Variants in DOCK2 observed in about 807,000 individuals in gnomAD.
The protein encoded by DOCK2 is dedicator of cytokinesis 2.
DOCK2 carries 87 observed loss-of-function variants against 248.9 expected under a neutral mutation model. That is an observed-to-expected ratio of 0.35 (90% confidence interval 0.29 to 0.42). The LOEUF is 0.42. DOCK2 is among the 10% of genes least tolerant of loss of function. The pLI is 1.00. For synonymous variants in DOCK2, 805 were observed against 821.6 expected (o/e 0.98, Z 0.35); for missense variants, 1,747 against 2,300.2 (o/e 0.76, Z 4.92).
At chr5:169,905,759 G>T (rs1774240232) in intron 27 of DOCK2, among the ~76,000 whole-genome samples, 1 of 152,216 alleles carries the variant, frequency 6.6e-6, no homozygotes, top group South Asian at 2.1e-4. Context: ...ACCCAGGTGT[G>T]CAGGGCTCAC....
At chr5:169,856,825 A>G (rs994257672) in intron 27 of DOCK2, among the ~76,000 whole-genome samples, 1 of 152,208 alleles carries the variant, frequency 6.6e-6, no homozygotes, top group Non-Finnish European at 1.5e-5. Context: ...TAACCAGGGT[A>G]TCATAGCAGT....
intron 3 of DOCK2, among the ~76,000 whole-genome samples, chr5:169,670,296 G>GTGGGATCTAGGGCTATGT (rs1758975951): frequency 6.6e-6 from 1 of 152,146 alleles, no homozygotes; most frequent in Admixed American, 6.5e-5. Flanking sequence ...TAGGGCTATG[G>GTGGGATCTAGGGCTATGT]TGAGATCTAG....
At chr5:169,787,228 G>T (rs1419024916) in intron 25 of DOCK2, among the ~76,000 whole-genome samples, 4 of 152,202 alleles carry the variant, frequency 2.6e-5, no homozygotes, top group Non-Finnish European at 4.4e-5. Flanking sequence ...TTAGAGGAAT[G>T]AGAATGGAGC....
chr5:169,643,169 G>C (rs1165770923), intron 1 of DOCK2, among the ~76,000 whole-genome samples: 1 of 152,142 alleles, frequency 6.6e-6, no homozygotes, highest in Non-Finnish European at 1.5e-5. Context: ...AGCTGCTTAA[G>C]TCTTATTCTG....
At position 169,712,196 on chromosome 5, in the gene DOCK2, T is replaced by C. The variant is rs767643359; in HGVS notation, c.1632T>C (p.Asp544=). Residue 544 remains aspartate, a synonymous_variant, in exon 17 of 52, where the codon GAT becomes GAC. Transcript: ENST00000520908. The part of the protein sequence containing the change: ...LMKEDGTTLH[D]GFHDLVVLKG... ...AAGAAGATGGGACTACTCTACACGA[T>C]GGATTCCATGACTTAGTTGTCCTCA... 26 of 1,614,062 alleles carry C rather than the reference T, an allele frequency of 1.6e-5. No homozygotes were observed. In the East Asian group the frequency reaches 4.7e-4, roughly 29 times the overall value.
intron 8 of DOCK2, among the ~76,000 whole-genome samples, chr5:169,686,071 C>T (rs264849): frequency 0.021 from 3,245 of 152,252 alleles, 117 homozygotes; most frequent in African/African-American, 0.069. Context: ...TGGTGGACCC[C>T]GATAATGAGT....
rs191545561 is a variant in DOCK2 at position 169,645,401 on chromosome 5, G to C, written c.43+8032G>C. 1.5e-3 allele frequency among the ~76,000 whole-genome samples: 226 copies of C among 152,254 alleles called. 1 individual carries two copies. The highest frequency in any genetic ancestry group is 1.0e-3 in the Non-Finnish European group (70 of 67,994). On this transcript the variant is annotated intron_variant, in intron 1 of 51. Transcript: ENST00000520908. ...TGGTGTTGAGCGTTTTTTCATGTTTGTTGGCCACATAAATGTCTTCTTTCT... is the reference window on the plus strand; with the variant it reads ...TGGTGTTGAGCGTTTTTTCATGTTTCTTGGCCACATAAATGTCTTCTTTCT...
intron 2 of DOCK2, among the ~76,000 whole-genome samples, chr5:169,662,812 GA>G (rs1758517638): frequency 2.0e-5 from 3 of 152,176 alleles, no homozygotes; most frequent in African/African-American, 7.2e-5. Flanking sequence ...AATTTGAGAT[GA>G]GATGTGGGTG....
At chr5:169,744,091 C>G (rs937028693) in intron 22 of DOCK2, among the ~76,000 whole-genome samples, 1 of 151,922 alleles carries the variant, frequency 6.6e-6, no homozygotes, top group African/African-American at 2.4e-5. Flanking sequence ...AGATTGGATT[C>G]CCACTGGAGT....
chr5:170,038,766 A>T (rs1314816702), intron 36 of DOCK2, among the ~76,000 whole-genome samples: 3 of 152,226 alleles, frequency 2.0e-5, no homozygotes, highest in Non-Finnish European at 2.9e-5. Context: ...GTAGCAGATC[A>T]TCAGACCCTT....
At chr5:169,804,058 G>A (rs1767157692) in intron 26 of DOCK2, among the ~76,000 whole-genome samples, 1 of 152,160 alleles carries the variant, frequency 6.6e-6, no homozygotes, top group East Asian at 1.9e-4. Context: ...CTAAGCATTT[G>A]TGTGAGCATT....
intron 34 of DOCK2, among the ~76,000 whole-genome samples, chr5:170,030,888 G>A (rs1257202130): frequency 1.3e-5 from 2 of 152,206 alleles, no homozygotes; most frequent in Non-Finnish European, 2.9e-5. Context: ...CTTGGATGGG[G>A]CCTTGGTGAA....
chr5:169,656,517 T>C (rs576415641), intron 2 of DOCK2, among the ~76,000 whole-genome samples: 19 of 152,248 alleles, frequency 1.2e-4, no homozygotes, highest in African/African-American at 4.6e-4. Context: ...TTCGCCATGT[T>C]GGCCAGGCTG....
intron 27 of DOCK2, among the ~76,000 whole-genome samples, chr5:169,978,616 C>T (rs1777824226): frequency 6.6e-6 from 1 of 152,060 alleles, no homozygotes; most frequent in African/African-American, 2.4e-5. Flanking sequence ...CTGGGTTTCT[C>T]TTCTTCTCTC....
chr5:169,807,729 G>C (rs1448915640), intron 26 of DOCK2, among the ~76,000 whole-genome samples: 1 of 150,930 alleles, frequency 6.6e-6, no homozygotes, highest in Non-Finnish European at 1.5e-5. Flanking sequence ...AGCTACTCTG[G>C]AGGCTGAGGC....
chr5:169,990,138 G>A (rs896629708), intron 29 of DOCK2, among the ~76,000 whole-genome samples: 5 of 150,864 alleles, frequency 3.3e-5, no homozygotes, highest in Non-Finnish European at 7.4e-5. Context: ...TCACTCTGTC[G>A]CCCAGGCTGG....
chr5:169,932,336 G>T (rs1038939238), intron 27 of DOCK2, among the ~76,000 whole-genome samples: 2 of 152,146 alleles, frequency 1.3e-5, no homozygotes, highest in African/African-American at 4.8e-5. Context: ...GGTAGGAAGT[G>T]GTTGGAACTA....
At chr5:169,809,526 T>A (rs950994818) in intron 26 of DOCK2, among the ~76,000 whole-genome samples, 4 of 152,234 alleles carry the variant, frequency 2.6e-5, no homozygotes, top group Admixed American at 6.5e-5. Context: ...GACTTCCTTG[T>A]CTGTGTTTTC....
At chr5:169,723,983 A>G (rs752014939) in intron 22 of DOCK2, among the ~76,000 whole-genome samples, 12 of 152,194 alleles carry the variant, frequency 7.9e-5, no homozygotes, top group Non-Finnish European at 1.8e-4. Context: ...CCTTTCACAA[A>G]GAAGGAGACT....
Sources: allele counts gnomAD v4.1 joint callset (sites outside exome capture counted in the v4.1 genomes callset), GRCh38; gene constraint gnomAD v4.1.1; transcripts MANE v1.5; gene names NCBI Gene and HGNC (gene_info 2026-07-23, HGNC 2026-07-21).